Variants in LCLAT1 observed in about 807,000 individuals in gnomAD.
LCLAT1 encodes 1-AGP acyltransferase 8.
Under a neutral mutation model 30.7 loss-of-function variants are expected in LCLAT1, and 11 were observed. That is an observed-to-expected ratio of 0.36 (90% confidence interval 0.23 to 0.59). The LOEUF (loss-of-function observed/expected upper bound fraction) is 0.59, where lower values mean the gene tolerates loss of function less well. Among genes scored for constraint, LCLAT1 ranks in the 20% least tolerant of loss-of-function variants. The pLI, the probability that LCLAT1 is intolerant of heterozygous loss-of-function variation, is 0.77. For synonymous variants in LCLAT1, 155 were observed against 151.3 expected (o/e 1.02, Z -0.18); for missense variants, 402 against 458.6 (o/e 0.88, Z 1.13).
In LCLAT1 at chr2:30,625,402, A is replaced by G. The variant is rs1668458803; in HGVS notation, c.629-14715A>G. On this transcript the variant is annotated intron_variant, in intron 5 of 5. Transcript: ENST00000379509. ...CTCAGTTAGAAATGAAATGAGAGCT[A>G]TTACAACCAGGGCCATGGAAAAGAC... Among the ~76,000 whole-genome samples, 4 of 152,196 alleles carry G rather than the reference A, an allele frequency of 2.6e-5. No individual in the cohort carries two copies. The South Asian group carries it at 8.3e-4, about 32-fold the overall frequency.
chr2:30,558,597 CAAA>C (rs36075365), intron 3 of LCLAT1, among the ~76,000 whole-genome samples: 13 of 83,212 alleles, frequency 1.6e-4, no homozygotes, highest in Non-Finnish European at 1.2e-4. Flanking sequence ...GACTTTGTCT[CAAA>C]AAAAAAAAAA....
chr2:30,471,769 G>C (rs1405548304), intron 1 of LCLAT1, among the ~76,000 whole-genome samples: 1 of 152,100 alleles, frequency 6.6e-6, no homozygotes, highest in African/African-American at 2.4e-5. Flanking sequence ...AGCTCTAGTA[G>C]TATTTTTGTG....
intron 1 of LCLAT1, among the ~76,000 whole-genome samples, chr2:30,515,265 T>C (rs185048961): frequency 4.8e-4 from 73 of 152,310 alleles, no homozygotes; most frequent in African/African-American, 1.6e-3. Flanking sequence ...GTTGCATACC[T>C]CCTATCCCTC....
At chr2:30,609,121 G>T (rs538409547) in intron 5 of LCLAT1, among the ~76,000 whole-genome samples, 1 of 152,088 alleles carries the variant, frequency 6.6e-6, no homozygotes, top group South Asian at 2.1e-4. Context: ...TGTTTCTATT[G>T]GGATTACTAT....
chr2:30,592,135 G>C (rs917712889), intron 5 of LCLAT1, among the ~76,000 whole-genome samples: 2 of 152,086 alleles, frequency 1.3e-5, no homozygotes, highest in African/African-American at 4.8e-5. Flanking sequence ...TCTTCAATCT[G>C]TTTCCCATAT....
At chr2:30,624,167 G>A (rs1451899102) in intron 5 of LCLAT1, among the ~76,000 whole-genome samples, 1 of 152,066 alleles carries the variant, frequency 6.6e-6, no homozygotes, top group Non-Finnish European at 1.5e-5. Flanking sequence ...CCTCCTTAAA[G>A]CATAATCTCA....
At chr2:30,563,641 T>C (rs1308977198) in intron 4 of LCLAT1, among the ~76,000 whole-genome samples, 1 of 152,198 alleles carries the variant, frequency 6.6e-6, no homozygotes, top group Non-Finnish European at 1.5e-5. Context: ...TGAACTTAAC[T>C]TTCAAATTTT....
intron 1 of LCLAT1, chr2:30,476,675 T>C: frequency 3.0e-6 from 1 of 334,816 alleles, no homozygotes; most frequent in Non-Finnish European, 6.0e-6. Context: ...TACAGTGTAG[T>C]AGTAATAGTG....
intron 5 of LCLAT1, among the ~76,000 whole-genome samples, chr2:30,613,018 G>A (rs1016900133): frequency 6.6e-6 from 1 of 152,114 alleles, no homozygotes; most frequent in Non-Finnish European, 1.5e-5. Context: ...GGTAGTCAGG[G>A]CTCCCCTGAA....
intron 2 of LCLAT1, among the ~76,000 whole-genome samples, chr2:30,526,550 G>A (rs774567331): frequency 6.6e-6 from 1 of 152,120 alleles, no homozygotes; most frequent in Non-Finnish European, 1.5e-5. Context: ...GCTGGATGAT[G>A]TCTAGTACCT....
chr2:30,607,898 T>C (rs901224764), intron 5 of LCLAT1: 3 of 139,594 alleles, frequency 2.1e-5, no homozygotes, highest in Non-Finnish European at 4.5e-5. Context: ...TGTGTGTGTG[T>C]GTCTTAATTT....
intron 5 of LCLAT1, among the ~76,000 whole-genome samples, chr2:30,574,484 G>A (rs4952152): frequency 0.13 from 19,174 of 152,126 alleles, 1,331 homozygotes; most frequent in South Asian, 0.23. Flanking sequence ...ATCCTTATGG[G>A]AAATATAATG....
chr2:30,623,536 G>A lies in LCLAT1; in HGVS notation c.629-16581G>A, dbSNP rs116189993. ...ACTTCAGAGCTCAGACAAGGCTTTC[G>A]AAATAACCCAGTCCAACAAAGACAA... On this transcript the variant is annotated intron_variant, in intron 5 of 5. Transcript: ENST00000379509. 4.9e-3 allele frequency among the ~76,000 whole-genome samples: 740 copies of A among 151,640 alleles called. 7 individuals are homozygous for A. The highest frequency in any genetic ancestry group is 0.017 in the African/African-American group (696 of 41,362).
Position 30,640,564 on chromosome 2 carries a change from C to G in LCLAT1, c.1076C>G (p.Ala359Gly). ...GGTGGACTGGAGATCATAGAACTTG[C>G]ATGTTACCGACTTTTACACAAACAG... Reference protein sequence around the residue: ...IFGGLEIIELACYRLLHKQPH... With the variant: ...IFGGLEIIELGCYRLLHKQPH... The change falls in exon 6 of 6, where the codon GCA becomes GGA. Residue 359 changes from alanine to glycine, a missense_variant. Transcript: ENST00000379509. The G allele has an allele frequency of 6.2e-7, 1 of 1,613,066 alleles. No homozygotes were observed.
chr2:30,529,160 G>T (rs999340313), intron 2 of LCLAT1, among the ~76,000 whole-genome samples: 3 of 152,090 alleles, frequency 2.0e-5, no homozygotes, highest in Non-Finnish European at 1.5e-5. Flanking sequence ...TAGGATAAAT[G>T]CACTTAAACT....
At chr2:30,510,825 G>A (rs867865510) in intron 1 of LCLAT1, among the ~76,000 whole-genome samples, 6 of 151,832 alleles carry the variant, frequency 4.0e-5, no homozygotes, top group African/African-American at 1.2e-4. Context: ...CTCTTTGGTC[G>A]TGTATAATTT....
chr2:30,594,540 G>A (rs980567543), intron 5 of LCLAT1, among the ~76,000 whole-genome samples: 2 of 152,042 alleles, frequency 1.3e-5, no homozygotes, highest in Non-Finnish European at 2.9e-5. Context: ...TTAGCTCTGC[G>A]TGACTAAGAT....
At chr2:30,485,957 G>A (rs1244879914) in intron 1 of LCLAT1, among the ~76,000 whole-genome samples, 9 of 152,096 alleles carry the variant, frequency 5.9e-5, no homozygotes, top group Admixed American at 5.9e-4. Context: ...TTCTACTTCA[G>A]CATATATTTT....
chr2:30,453,949 A>G (rs1381468883), intron 1 of LCLAT1, among the ~76,000 whole-genome samples: 1 of 152,212 alleles, frequency 6.6e-6, no homozygotes, highest in Non-Finnish European at 1.5e-5. Context: ...CAGAAGCCCA[A>G]AGAAGGTACG....
Sources: gnomAD v4.1 joint callset for allele counts (sites outside exome capture counted in the v4.1 genomes callset) on GRCh38, gnomAD v4.1.1 for gene constraint, MANE v1.5 for transcripts, NCBI Gene and HGNC (gene_info 2026-07-23, HGNC 2026-07-21) for gene names.